The following GAB1 variants were observed in gnomAD, a reference collection of about 807,000 sequenced individuals.
The protein encoded by GAB1 is GRB2-associated-binding protein 1.
Under a neutral mutation model 66.5 loss-of-function variants are expected in GAB1, and 19 were observed. That is an observed-to-expected ratio of 0.29 (90% CI 0.20 to 0.42). The LOEUF is 0.42. GAB1 is among the 10% of genes least tolerant of loss of function. The pLI is 1.00. For missense variants in GAB1, 732 were observed against 858.5 expected (o/e 0.85, Z 1.84); for synonymous variants, 294 against 301.4 (o/e 0.98, Z 0.25).
intron 9 of GAB1, among the ~76,000 whole-genome samples, chr4:143,466,750 A>G (rs950363397): frequency 5.3e-5 from 8 of 151,930 alleles, no homozygotes; most frequent in Non-Finnish European, 8.8e-5. Flanking sequence ...TCAGCCCTCC[A>G]AAAGTGCTGG....
rs765650578 is a variant in GAB1 at position 143,469,164 on chromosome 4, A to C, written c.2060A>C (p.Glu687Ala). ...GATGGGAGACAGTCCACAGAATCAG[A>C]AACGCCAGCGAAGAGTGTGAAATGA... ...WTDGRQSTES[E>A]TPAKSVK The change falls in exon 10 of 10, where the codon GAA becomes GCA. Residue 687 changes from glutamate to alanine, a missense_variant. By Grantham distance (107) the Glu-to-Ala change is moderately radical. This residue lies in a region of GAB1 where 204 missense variants were observed against 276.8 expected (regional missense o/e 0.74). Coordinates refer to ENST00000262994, the MANE Select transcript of GAB1 (RefSeq NM_002039.4). 1.2e-6 allele frequency: 2 copies of C among 1,614,062 alleles called. No homozygotes were observed. The highest frequency in any genetic ancestry group is 1.7e-6 in the Non-Finnish European group (2 of 1,180,016).
chr4:143,424,451 G>C (rs999589654), intron 2 of GAB1, among the ~76,000 whole-genome samples: 1 of 152,078 alleles, frequency 6.6e-6, no homozygotes, highest in East Asian at 1.9e-4. Flanking sequence ...TTAACTCTGA[G>C]TCACCATTTG....
chr4:143,393,064 C>T (rs1261247338), intron 1 of GAB1, among the ~76,000 whole-genome samples: 1 of 151,938 alleles, frequency 6.6e-6, no homozygotes, highest in Non-Finnish European at 1.5e-5. Flanking sequence ...CTGTAAGCTG[C>T]TTACATTGAA....
At chr4:143,369,096 C>T (rs530952299) in intron 1 of GAB1, among the ~76,000 whole-genome samples, 1 of 152,276 alleles carries the variant, frequency 6.6e-6, no homozygotes, top group African/African-American at 2.4e-5. Flanking sequence ...TGCACCACCA[C>T]GCTCAGGTAA....
chr4:143,447,794 A>G lies in GAB1; in HGVS notation c.1585+7412A>G, dbSNP rs553098938. Among the ~76,000 whole-genome samples, 34 of 152,040 alleles carry G rather than the reference A, an allele frequency of 2.2e-4. 1 individual carries two copies. Among genetic ancestry groups the G allele is most frequent in the African/African-American group, 5.8e-4 (24 of 41,484 alleles). On this transcript the variant is annotated intron_variant, in intron 6 of 9. Coordinates refer to ENST00000262994, the MANE Select transcript of GAB1 (RefSeq NM_002039.4). ...TACCCTTTATTTCCTTCTCCTGCCT[A>G]ATTGCCCTGGCCAGAACTTCCAACA...
intron 1 of GAB1, among the ~76,000 whole-genome samples, chr4:143,344,128 T>C (rs1403208613): frequency 2.0e-5 from 3 of 152,214 alleles, no homozygotes; most frequent in Non-Finnish European, 4.4e-5. Context: ...GAGCATGTTC[T>C]GGTGGGAGGG....
chr4:143,440,171 A>G lies in GAB1; in HGVS notation c.1374A>G (p.Gln458=), dbSNP rs142207353. ...VPMNPNSPPR[Q]HSSSFTEPIQ... ...TGAATCCCAATTCACCACCACGACA[A>G]CATTCCAGCAGTTTTACAGAACCAA... is the stretch of plus-strand genomic sequence containing the variant. The change falls in exon 6 of 10, where the codon CAA becomes CAG. Residue 458 remains glutamine (Q), a synonymous_variant. Coordinates refer to ENST00000262994, the MANE Select transcript of GAB1 (RefSeq NM_002039.4). 58 of 1,614,182 alleles carry G rather than the reference A, an allele frequency of 3.6e-5. No homozygotes were observed. In the Middle Eastern group the frequency reaches 4.9e-4, roughly 14 times the overall value.
intron 1 of GAB1, among the ~76,000 whole-genome samples, chr4:143,401,052 C>A (rs1365299375): frequency 6.7e-6 from 1 of 149,314 alleles, no homozygotes; most frequent in East Asian, 1.9e-4. Context: ...GTTTTTATTT[C>A]TTTTTTATAT....
intron 1 of GAB1, among the ~76,000 whole-genome samples, chr4:143,394,023 C>T (rs1254054606): frequency 6.6e-6 from 1 of 152,100 alleles, no homozygotes; most frequent in Non-Finnish European, 1.5e-5. Context: ...CCTGTAATCC[C>T]AGCACTTTGG....
intron 1 of GAB1, among the ~76,000 whole-genome samples, chr4:143,373,868 A>AATAAATAAAT: frequency 3.2e-5 from 3 of 93,698 alleles, no homozygotes; most frequent in African/African-American, 1.4e-4. Context: ...TAAATAAATA[A>AATAAATAAAT]ATATATATAT....
rs76395989 is a variant in GAB1 at position 143,354,884 on chromosome 4, C to G, written c.72+17624C>G. Among the ~76,000 whole-genome samples the G allele has an allele frequency of 4.7e-4, 72 of 152,066 alleles. 1 individual carries two copies. The East Asian group carries it at 0.014, about 29-fold the overall frequency. ...CATTTTTTAGCAAATGTGCTTTGCC[C>G]CAAGTTGGAGAATTAGTTATATGTT... On this transcript the variant is annotated intron_variant, in intron 1 of 9. Coordinates refer to ENST00000262994, the MANE Select transcript of GAB1 (RefSeq NM_002039.4).
intron 1 of GAB1, among the ~76,000 whole-genome samples, chr4:143,366,766 C>T (rs549308725): frequency 6.6e-6 from 1 of 152,146 alleles, no homozygotes; most frequent in South Asian, 2.1e-4. Flanking sequence ...CTCTATCGTC[C>T]AGGCTAGAAA....
chr4:143,451,842 A>G (rs1313803443), intron 6 of GAB1, among the ~76,000 whole-genome samples: 3 of 152,086 alleles, frequency 2.0e-5, no homozygotes, highest in African/African-American at 7.2e-5. Context: ...TCATACAGCC[A>G]TACAGTGCGA....
chr4:143,437,855 AT>A (rs1734013476), intron 3 of GAB1, 143 bp from the exon 4 acceptor site: 1 of 802,006 alleles, frequency 1.2e-6, no homozygotes, highest in Non-Finnish European at 2.0e-6. Flanking sequence ...GCTAAAGAAC[AT>A]TTGTGCTTTA....
intron 6 of GAB1, among the ~76,000 whole-genome samples, chr4:143,446,360 A>T (rs1486712522): frequency 1.3e-5 from 2 of 152,200 alleles, no homozygotes; most frequent in Non-Finnish European, 2.9e-5. Context: ...ATCCCTGAGG[A>T]ATCGCCACAC....
intron 2 of GAB1, chr4:143,425,823 C>A: frequency 3.3e-6 from 3 of 922,214 alleles, no homozygotes; most frequent in Non-Finnish European, 5.3e-6. Context: ...GCCTCTTCAG[C>A]AGTTCCCTTC....
chr4:143,400,286 C>G (rs1731701726), intron 1 of GAB1, among the ~76,000 whole-genome samples: 1 of 152,046 alleles, frequency 6.6e-6, no homozygotes, highest in African/African-American at 2.4e-5. Context: ...GTTTTGAGAA[C>G]AGAGCAGCAA....
chr4:143,355,452 C>T (rs1581220847), intron 1 of GAB1, among the ~76,000 whole-genome samples: 1 of 137,120 alleles, frequency 7.3e-6, no homozygotes, highest in Non-Finnish European at 1.6e-5. Context: ...AACAACAACA[C>T]ATAACATAAA....
At chr4:143,369,918 T>C (rs1730046224) in intron 1 of GAB1, among the ~76,000 whole-genome samples, 1 of 152,210 alleles carries the variant, frequency 6.6e-6, no homozygotes, top group African/African-American at 2.4e-5. Flanking sequence ...GCACTAAAAT[T>C]AATGAATAAG....
Sources: allele counts gnomAD v4.1 joint callset (sites outside exome capture counted in the v4.1 genomes callset), GRCh38; gene constraint gnomAD v4.1.1; regional missense constraint gnomAD v4.1.1; transcripts MANE v1.5; gene names NCBI Gene and HGNC (gene_info 2026-07-23, HGNC 2026-07-21).